Variants in AFF2 observed in about 807,000 individuals in gnomAD.
The protein encoded by AFF2 is ALF transcription elongation factor 2.
Under a neutral mutation model 76.9 loss-of-function variants are expected in AFF2, and 14 were observed. The ratio of observed to expected loss-of-function variants is 0.18; its 90% CI spans 0.12 to 0.28. AFF2 has a LOEUF of 0.28. Ranked by LOEUF, AFF2 falls within the 10% of genes least tolerant of loss-of-function variation. The pLI, the probability that AFF2 is intolerant of heterozygous loss-of-function variation, is 1.00. For missense variants in AFF2, 868 were observed against 1,001.1 expected, an observed-to-expected ratio of 0.87 and a Z score of 1.79; for synonymous variants, 398 against 366.7, an observed-to-expected ratio of 1.09 and a Z score of -0.98.
chrX:148,546,931 A>G (rs1461421565), intron 1 of AFF2: 2 of 112,415 alleles, frequency 1.8e-5, no homozygotes, highest in Non-Finnish European at 3.8e-5. Context: ...GTTATCATGC[A>G]TGTATTTAAT....
At chrX:148,659,772 G>T (rs140467189) in intron 2 of AFF2, among the ~76,000 whole-genome samples, 297 of 112,143 alleles carry the variant, frequency 2.6e-3, no homozygotes, top group Non-Finnish European at 4.8e-3. Flanking sequence ...GTGGTTCATT[G>T]TGCAACTCAG....
At chrX:148,937,078 A>G (rs1178010324) in intron 9 of AFF2, among the ~76,000 whole-genome samples, 1 of 111,704 alleles carries the variant, frequency 9.0e-6, no homozygotes, top group Non-Finnish European at 1.9e-5. Context: ...AGGAGAGGAG[A>G]CCACAGTTAA....
Position 148,992,812 on chromosome X carries a change from A to T in AFF2, c.*1480A>T, listed in dbSNP as rs370253663. The T allele has an allele frequency of 2.1e-4, 24 of 112,584 alleles. No individual in the cohort carries two copies. The highest frequency in any genetic ancestry group is 7.8e-4 in the African/African-American group (24 of 30,878). 9.3% of individuals were successfully genotyped at this position (112,584 alleles called of 1,213,427 possible). The stretch of plus-strand genomic sequence containing the variant: ...TTTTGATGTTCCAGCTCACCAGAAG[A>T]TTCTTACACTTGGGGTAAACACTAT... On this transcript the variant is annotated 3_prime_UTR_variant, in exon 21 of 21. Transcript: ENST00000370460.
At chrX:148,981,611 C>G (rs1193009181) in intron 19 of AFF2, among the ~76,000 whole-genome samples, 7 of 111,437 alleles carry the variant, frequency 6.3e-5, no homozygotes, top group Admixed American at 4.8e-4. Flanking sequence ...AGTTTCTCCT[C>G]TGATTTCCAA....
intron 14 of AFF2, 123 bp downstream of exon 14, chrX:148,967,202 C>T (rs905555565): frequency 2.5e-4 from 251 of 998,654 alleles, no homozygotes; most frequent in Middle Eastern, 3.8e-4. Context: ...ATCCTATACC[C>T]TTAAAAGTCC....
Position 148,884,718 on chromosome X carries a change from C to T in AFF2, c.1263-1171C>T, listed in dbSNP as rs141078833. On this transcript the variant is annotated intron_variant, in intron 7 of 20. Coordinates refer to ENST00000370460, the MANE Select transcript of AFF2 (RefSeq NM_002025.4). ...GCACCCTCTGCCCTCATGGGAATTA[C>T]GGACTAGTGGGGAGAGATTCAGTGG... 6.4e-4 allele frequency among the ~76,000 whole-genome samples: 72 copies of T among 112,393 alleles called. No individual in the cohort carries two copies. The East Asian group carries it at 0.011, about 18-fold the overall frequency.
chrX:148,931,769 A>T (rs2071716481), intron 9 of AFF2, among the ~76,000 whole-genome samples: 1 of 111,922 alleles, frequency 8.9e-6, no homozygotes, highest in Non-Finnish European at 1.9e-5. Context: ...AGTGCTGGAG[A>T]ACTAGTTCAG....
intron 8 of AFF2, among the ~76,000 whole-genome samples, chrX:148,891,423 G>A (rs1557279730): frequency 8.9e-6 from 1 of 111,901 alleles, no homozygotes; most frequent in Non-Finnish European, 1.9e-5. Flanking sequence ...TATAGACCTT[G>A]TGCTTCTCTT....
chrX:148,657,124 T>A (rs2054261524), intron 2 of AFF2, among the ~76,000 whole-genome samples: 1 of 111,813 alleles, frequency 8.9e-6, no homozygotes, highest in Non-Finnish European at 1.9e-5. Flanking sequence ...TTAAATGGCT[T>A]ACCCAAGGTC....
At position 148,538,001 on chromosome X, in the gene AFF2, G is replaced by A. The variant is rs946779155; in HGVS notation, c.47+36857G>A. Among the ~76,000 whole-genome samples the A allele has an allele frequency of 3.6e-5, 4 of 112,251 alleles. No individual in the cohort carries two copies. In the Admixed American group the frequency reaches 3.8e-4, roughly 11 times the overall value. On this transcript the variant is annotated intron_variant, in intron 1 of 20. Coordinates refer to ENST00000370460, the MANE Select transcript of AFF2 (RefSeq NM_002025.4). ...GTGTAGGTACTTTGTAATGAAGCAA[G>A]TTAAGAAATAGACTCAGACGTGGGC...
intron 3 of AFF2, among the ~76,000 whole-genome samples, chrX:148,763,606 T>C (rs2069478329): frequency 9.0e-6 from 1 of 110,814 alleles, no homozygotes; most frequent in Admixed American, 9.7e-5. Context: ...TGTGAGATAA[T>C]ACGAAAAAAT....
At chrX:148,813,928 G>A (rs2070233423) in intron 4 of AFF2, among the ~76,000 whole-genome samples, 1 of 112,203 alleles carries the variant, frequency 8.9e-6, no homozygotes, top group African/African-American at 3.2e-5. Context: ...TGAGCTGTAC[G>A]AATTCAGGTG....
intron 1 of AFF2, among the ~76,000 whole-genome samples, chrX:148,641,805 A>G: frequency 8.9e-6 from 1 of 111,856 alleles, no homozygotes; most frequent in Non-Finnish European, 1.9e-5. Flanking sequence ...ACCTTCACAT[A>G]GAGTTCTCTC....
chrX:148,975,943 C>CA (rs59057839), intron 16 of AFF2, among the ~76,000 whole-genome samples: 12,358 of 22,680 alleles, frequency 0.54, 3,071 homozygotes, highest in Non-Finnish European at 0.66. Flanking sequence ...GACTCCGTCT[C>CA]AAAAAAAAAA....
chrX:148,988,682 T>G (rs1426012333), intron 20 of AFF2, among the ~76,000 whole-genome samples: 1 of 111,997 alleles, frequency 8.9e-6, no homozygotes, highest in African/African-American at 3.2e-5. Context: ...TCTATATAAC[T>G]CAAAGATTTT....
intron 9 of AFF2, among the ~76,000 whole-genome samples, chrX:148,919,216 G>T (rs2071564982): frequency 9.0e-6 from 1 of 111,381 alleles, no homozygotes. Context: ...TGATATAGGT[G>T]GCATATGGCT....
At chrX:148,675,860 A>G (rs2054476861) in intron 3 of AFF2, among the ~76,000 whole-genome samples, 1 of 109,930 alleles carries the variant, frequency 9.1e-6, no homozygotes, top group South Asian at 3.9e-4. Flanking sequence ...CTTCCCAGTC[A>G]AGATTGATGG....
intron 3 of AFF2, among the ~76,000 whole-genome samples, chrX:148,695,038 A>C (rs782253881): frequency 9.1e-6 from 1 of 109,397 alleles, no homozygotes; most frequent in East Asian, 2.9e-4. Flanking sequence ...CTGGTCTCGA[A>C]CTCCTGACCT....
rs2071387394 is a variant in AFF2, at chrX:148,904,467, A to T, written c.1397+209A>T. On this transcript the variant is annotated intron_variant, in intron 9 of 20. Coordinates refer to ENST00000370460, the MANE Select transcript of AFF2 (RefSeq NM_002025.4). Reference sequence around the variant, plus strand: ...GTGCTCCTGATGAAGAAATGCCCCAAGTTGTACCCAGTTTACATAAATTAA... The same window carrying T: ...GTGCTCCTGATGAAGAAATGCCCCATGTTGTACCCAGTTTACATAAATTAA... The T allele has an allele frequency of 1.4e-5, 5 of 367,501 alleles. No homozygotes were observed. In the East Asian group the frequency reaches 2.4e-4, roughly 17 times the overall value. The allele number at this position is 367,501 out of a possible 1,213,427, so 30.3% of individuals were successfully genotyped here. A position where few individuals can be genotyped will look rare whatever the true frequency, so the allele number is the denominator to read the frequency against.
Sources: gnomAD v4.1 joint callset for allele counts (sites outside exome capture counted in the v4.1 genomes callset) on GRCh38, gnomAD v4.1.1 for gene constraint, MANE v1.5 for transcripts, NCBI Gene and HGNC (gene_info 2026-07-23, HGNC 2026-07-21) for gene names.